The following EVI5 variants were observed in gnomAD, a reference collection of about 807,000 sequenced individuals.
The protein encoded by EVI5 is ecotropic viral integration site 5 protein homolog.
A neutral mutation model predicts 112.0 loss-of-function variants in EVI5; 73 were observed. The ratio of observed to expected loss-of-function variants is 0.65; its 90% CI spans 0.54 to 0.79. EVI5 has a LOEUF of 0.79. Ranked by LOEUF, EVI5 falls within the 30% of genes least tolerant of loss-of-function variation. The pLI is 0.00. For missense variants in EVI5, 900 were observed against 968.8 expected, an observed-to-expected ratio of 0.93 and a Z score of 0.94; for synonymous variants, 305 against 319.9, an observed-to-expected ratio of 0.95 and a Z score of 0.50.
intron 16 of EVI5, among the ~76,000 whole-genome samples, chr1:92,613,949 A>G (rs773771549): frequency 1.3e-5 from 2 of 152,216 alleles, no homozygotes; most frequent in Non-Finnish European, 2.9e-5. Flanking sequence ...ACTCTTCTGT[A>G]ATAAGTAACA....
chr1:92,614,852 A>AG (rs1652698779), intron 16 of EVI5, among the ~76,000 whole-genome samples: 3 of 6,312 alleles, frequency 4.8e-4, no homozygotes, highest in East Asian at 0.038. Context: ...ATATATATAT[A>AG]TATATATATA....
At chr1:92,727,204 G>A (rs1675702339) in intron 2 of EVI5, among the ~76,000 whole-genome samples, 1 of 152,178 alleles carries the variant, frequency 6.6e-6, no homozygotes, top group South Asian at 2.1e-4. Flanking sequence ...GGGCTGGAAG[G>A]AAGGTGAATG....
chr1:92,665,935 T>G lies in EVI5; in HGVS notation c.1212+4A>C, dbSNP rs200930069. ...GAAGCTTGCATAAGTAGTCACTTAC[T>G]TACTTTTTCTAATGTCTCGATGCGC... On this transcript the variant is annotated splice_donor_region_variant and intron_variant, in intron 11 of 19. Transcript: ENST00000684568. The G allele has an allele frequency of 6.9e-6, 11 of 1,592,868 alleles. No homozygotes were observed. The highest frequency in any genetic ancestry group is 8.6e-6 in the Non-Finnish European group (10 of 1,167,236).
chr1:92,625,918 G>A lies in EVI5; in HGVS notation c.1544C>T (p.Pro515Leu). ...AAGCCTTGCAATATTATTCTCATCA[G>A]GAAGGGAGTTATTCCTCTAAAGAAG... The part of the protein sequence containing the change: ...LDIEKRNNSL[P>L]DENNIARLQE... Residue 515 changes from proline to leucine, a missense_variant, in exon 15 of 20, where the codon CCT (proline) becomes CTT (leucine). Transcript: ENST00000684568. 2 of 1,604,466 alleles carry A rather than the reference G, an allele frequency of 1.2e-6. No homozygotes were observed. The highest frequency in any genetic ancestry group is 1.3e-5 in the African/African-American group (1 of 74,742).
chr1:92,569,336 TTC>T (rs1455090806), intron 18 of EVI5, among the ~76,000 whole-genome samples: 6 of 152,224 alleles, frequency 3.9e-5, no homozygotes, highest in Admixed American at 2.0e-4. Flanking sequence ...CAAGCAAATT[TTC>T]TTTCTTGGAT....
intron 13 of EVI5, among the ~76,000 whole-genome samples, chr1:92,641,176 C>T (rs1291579918): frequency 1.3e-5 from 2 of 151,732 alleles, no homozygotes; most frequent in Admixed American, 1.3e-4. Flanking sequence ...CACATGTATC[C>T]CAGAACTTAA....
intron 19 of EVI5, among the ~76,000 whole-genome samples, chr1:92,526,253 C>T (rs900596086): frequency 6.6e-6 from 1 of 152,100 alleles, no homozygotes; most frequent in African/African-American, 2.4e-5. Flanking sequence ...GAGATGAGGT[C>T]TTGATATGTT....
At chr1:92,791,125 G>A (rs1686063960) in intron 1 of EVI5, among the ~76,000 whole-genome samples, 1 of 152,196 alleles carries the variant, frequency 6.6e-6, no homozygotes, top group Non-Finnish European at 1.5e-5. Flanking sequence ...CATCAATAGT[G>A]TGCCAGTTTC....
intron 1 of EVI5, among the ~76,000 whole-genome samples, chr1:92,744,907 A>G (rs1262591847): frequency 6.6e-6 from 1 of 151,978 alleles, no homozygotes; most frequent in Non-Finnish European, 1.5e-5. Flanking sequence ...AGGTAGAGGA[A>G]TTTACTTTCC....
intron 14 of EVI5, among the ~76,000 whole-genome samples, chr1:92,626,684 A>C (rs979320736): frequency 6.6e-6 from 1 of 152,200 alleles, no homozygotes; most frequent in African/African-American, 2.4e-5. Context: ...GAACACAGAA[A>C]TCTAACTCTG....
chr1:92,717,192 A>T (rs1673870154), intron 2 of EVI5, among the ~76,000 whole-genome samples: 1 of 152,154 alleles, frequency 6.6e-6, no homozygotes, highest in South Asian at 2.1e-4. Context: ...CAGTGACTGA[A>T]GTTCAAATTA....
At chr1:92,570,498 A>C (rs916248245) in intron 18 of EVI5, among the ~76,000 whole-genome samples, 2 of 152,178 alleles carry the variant, frequency 1.3e-5, no homozygotes, top group African/African-American at 4.8e-5. Flanking sequence ...TCCTTAATAA[A>C]GGTAAAGTTC....
At chr1:92,770,658 C>T (rs1413755764) in intron 1 of EVI5, among the ~76,000 whole-genome samples, 5 of 151,618 alleles carry the variant, frequency 3.3e-5, no homozygotes, top group Admixed American at 2.6e-4. Context: ...GGCGTGGTGG[C>T]AGGTGCCTGT....
chr1:92,791,441 A>G lies in EVI5; in HGVS notation c.51+903T>C, dbSNP rs1271070731. On this transcript the variant is annotated intron_variant, in intron 1 of 17. Coordinates refer to the EVI5 transcript ENST00000370331. ...ACAGTTAAGTGGAATAATATATGCC[A>G]TGTGTATAACAAATATTCAAAAATA... Among the ~76,000 whole-genome samples, 7 of 152,340 alleles carry G rather than the reference A, an allele frequency of 4.6e-5. No individual in the cohort carries two copies. In the East Asian group the frequency reaches 1.2e-3, roughly 25 times the overall value.
chr1:92,593,725 C>A (rs1031008943), intron 18 of EVI5, among the ~76,000 whole-genome samples: 4 of 152,168 alleles, frequency 2.6e-5, no homozygotes, highest in African/African-American at 9.7e-5. Context: ...AGCAAAGTCT[C>A]AGGATACAAA....
At chr1:92,526,146 C>T (rs1239252136) in intron 19 of EVI5, among the ~76,000 whole-genome samples, 1 of 152,152 alleles carries the variant, frequency 6.6e-6, no homozygotes, top group Non-Finnish European at 1.5e-5. Flanking sequence ...GCAGCCTCCA[C>T]CTCCCTGGCT....
intron 19 of EVI5, among the ~76,000 whole-genome samples, chr1:92,532,335 G>A (rs909372835): frequency 6.6e-6 from 1 of 152,058 alleles, no homozygotes; most frequent in African/African-American, 2.4e-5. Context: ...CAATAATAGT[G>A]GGGGAATTTA....
chr1:92,649,565 C>T (rs942803639), intron 13 of EVI5, among the ~76,000 whole-genome samples: 1 of 152,126 alleles, frequency 6.6e-6, no homozygotes, highest in Non-Finnish European at 1.5e-5. Flanking sequence ...CTTGTAATCT[C>T]AGCACTTTGG....
chr1:92,546,535 A>T (rs968689431), intron 19 of EVI5, among the ~76,000 whole-genome samples: 1 of 152,144 alleles, frequency 6.6e-6, no homozygotes, highest in African/African-American at 2.4e-5. Flanking sequence ...CGTCTCTACT[A>T]AAAATATAAA....
Sources: gnomAD v4.1 joint callset for allele counts (sites outside exome capture counted in the v4.1 genomes callset) on GRCh38, gnomAD v4.1.1 for gene constraint, MANE v1.5 for transcripts, NCBI Gene and HGNC (gene_info 2026-07-23, HGNC 2026-07-21) for gene names.